SNX29: variants seen among roughly 807,000 people sequenced by gnomAD.
SNX29 encodes the protein sorting nexin-29.
A neutral mutation model predicts 102.1 loss-of-function variants in SNX29; 78 were observed. That is an observed-to-expected ratio of 0.76 (90% CI 0.64 to 0.92). SNX29 has a LOEUF of 0.92. Among genes scored for constraint, SNX29 ranks in the 40% least tolerant of loss-of-function variants. The pLI is 0.00. For synonymous variants in SNX29, 580 were observed against 414.5 expected, an observed-to-expected ratio of 1.40 and a Z score of -4.85; for missense variants, 1,280 against 1,061.7, an observed-to-expected ratio of 1.21 and a Z score of -2.86.
In SNX29 at chr16:12,335,797, A is replaced by G. The variant is rs118094730; in HGVS notation, c.1783-20366A>G. 9.5e-3 allele frequency among the ~76,000 whole-genome samples: 1,441 copies of G among 152,322 alleles called. 9 individuals are homozygous for G. The highest frequency in any genetic ancestry group is 0.016 in the Non-Finnish European group (1,076 of 68,030). On this transcript the variant is annotated intron_variant, in intron 15 of 20. Coordinates refer to ENST00000566228, the MANE Select transcript of SNX29 (RefSeq NM_032167.5). ...AGATTATTTCAGTGAATTTTTCACA[A>G]TAACTCAGTGAACTGGGTACCATAG...
At position 12,568,126 on chromosome 16, in the gene SNX29, G is replaced by C. The variant is rs116043205; in HGVS notation, c.2319-380G>C. ...CGCATCTTGTGTGGCTTTATGTAGTGTTCTCCAAAGTTGCCTTGGACTTAG... is the reference window on the plus strand; with the variant it reads ...CGCATCTTGTGTGGCTTTATGTAGTCTTCTCCAAAGTTGCCTTGGACTTAG... On this transcript the variant is annotated intron_variant, in intron 20 of 20. Coordinates refer to ENST00000566228, the MANE Select transcript of SNX29 (RefSeq NM_032167.5). 1.9e-3 allele frequency among the ~76,000 whole-genome samples: 293 copies of C among 152,210 alleles called. 1 individual carries two copies. The highest frequency in any genetic ancestry group is 6.8e-3 in the African/African-American group (283 of 41,532).
At chr16:12,460,865 G>C (rs1278910953) in intron 18 of SNX29, among the ~76,000 whole-genome samples, 1 of 152,082 alleles carries the variant, frequency 6.6e-6, no homozygotes, top group Non-Finnish European at 1.5e-5. Context: ...CGCCATGTTG[G>C]CCAGGCTGGT....
chr16:12,307,620 A>T (rs188892382), intron 15 of SNX29, among the ~76,000 whole-genome samples: 2 of 152,234 alleles, frequency 1.3e-5, no homozygotes, highest in South Asian at 4.1e-4. Flanking sequence ...AGAAGTTGTC[A>T]GCAGTAGAAT....
intron 13 of SNX29, among the ~76,000 whole-genome samples, chr16:12,161,210 C>A (rs2055770586): frequency 2.6e-5 from 4 of 152,182 alleles, no homozygotes; most frequent in African/African-American, 4.8e-5. Flanking sequence ...CCTTTCTGAC[C>A]TTTGGATAGA....
rs112198675 is a variant in SNX29 at position 12,106,478 on chromosome 16, G to C, written c.1403-20155G>C. ...CTCGGCCCCCTCCTTTTCTGCTGCT[G>C]CTTGTTTTTCTTTTTCAGACAGGGC... On this transcript the variant is annotated intron_variant, in intron 11 of 20. Transcript: ENST00000566228. Among the ~76,000 whole-genome samples, 571 of 151,968 alleles carry C rather than the reference G, an allele frequency of 3.8e-3. 8 individuals are homozygous for C. Among genetic ancestry groups the C allele is most frequent in the African/African-American group, 0.013 (539 of 41,438 alleles).
chr16:12,463,816 G>T (rs2086921197), intron 18 of SNX29, among the ~76,000 whole-genome samples: 1 of 139,296 alleles, frequency 7.2e-6, no homozygotes, highest in African/African-American at 2.9e-5. Flanking sequence ...CTCCCGAAGT[G>T]AGTGTGTGTG....
At chr16:12,350,190 C>T (rs370058595) in intron 15 of SNX29, among the ~76,000 whole-genome samples, 84 of 152,264 alleles carry the variant, frequency 5.5e-4, no homozygotes, top group African/African-American at 1.7e-3. Context: ...ACAGTTGGCC[C>T]TCTGTATCTG....
chr16:12,290,192 G>T (rs1011968600), intron 15 of SNX29, among the ~76,000 whole-genome samples: 7 of 152,154 alleles, frequency 4.6e-5, no homozygotes, highest in Non-Finnish European at 5.9e-5. Context: ...ACATGTTAAA[G>T]TAAGCCTTTT....
rs188273880 is a variant in SNX29, at chr16:12,316,371, C to T, written c.1782+38335C>T. 9.9e-4 allele frequency among the ~76,000 whole-genome samples: 150 copies of T among 152,184 alleles called. 1 individual carries two copies. The highest frequency in any genetic ancestry group is 3.4e-3 in the African/African-American group (140 of 41,524). On this transcript the variant is annotated intron_variant, in intron 15 of 20. Coordinates refer to ENST00000566228, the MANE Select transcript of SNX29 (RefSeq NM_032167.5). ...CATCCTGGCCAACATGGGGAAACCCCGTCTCTATTAAAAATACAAAAATTA... is the reference window on the plus strand; with the variant it reads ...CATCCTGGCCAACATGGGGAAACCCTGTCTCTATTAAAAATACAAAAATTA...
At chr16:12,566,577 A>C (rs942118810) in intron 20 of SNX29, among the ~76,000 whole-genome samples, 1 of 152,212 alleles carries the variant, frequency 6.6e-6, no homozygotes, top group Non-Finnish European at 1.5e-5. Flanking sequence ...ACTGACTTTT[A>C]CATCCAAGCC....
intron 7 of SNX29, among the ~76,000 whole-genome samples, chr16:12,048,989 C>T (rs2050198799): frequency 6.6e-6 from 1 of 152,162 alleles, no homozygotes; most frequent in Non-Finnish European, 1.5e-5. Context: ...AGCAGGTAGC[C>T]TGCAGTCTCC....
intron 16 of SNX29, among the ~76,000 whole-genome samples, chr16:12,384,629 G>A (rs1347174475): frequency 6.6e-6 from 1 of 152,298 alleles, no homozygotes; most frequent in Non-Finnish European, 1.5e-5. Flanking sequence ...TTCCTTGCCA[G>A]ATGTGTAGTT....
chr16:12,383,666 C>T (rs1488668919), intron 16 of SNX29, among the ~76,000 whole-genome samples: 1 of 151,768 alleles, frequency 6.6e-6, no homozygotes. Flanking sequence ...GAATTCCTGA[C>T]CTTAGGTGAT....
chr16:11,985,571 G>A (rs2055585530), intron 1 of SNX29, among the ~76,000 whole-genome samples: 1 of 152,186 alleles, frequency 6.6e-6, no homozygotes, highest in Non-Finnish European at 1.5e-5. Context: ...GCTCCTCCAT[G>A]GAGCGGGCTG....
intron 15 of SNX29, among the ~76,000 whole-genome samples, chr16:12,297,884 T>A (rs760628486): frequency 2.0e-5 from 3 of 152,120 alleles, no homozygotes; most frequent in Non-Finnish European, 4.4e-5. Flanking sequence ...TAATAGCACT[T>A]ATGGGCCAGG....
At chr16:12,560,697 G>A (rs963747813) in intron 20 of SNX29, 3 of 161,290 alleles carry the variant, frequency 1.9e-5, no homozygotes, top group East Asian at 2.8e-4. Context: ...TCTAGTCATC[G>A]ACTCTGGGCT....
At position 12,477,820 on chromosome 16, in the gene SNX29, G is replaced by A. The variant is rs2087726523; in HGVS notation, c.2139G>A (p.Arg713=). The change falls in exon 19 of 21, where the codon AGG becomes AGA. Residue 713 remains arginine, a synonymous_variant. Transcript: ENST00000566228. ...HKLQNKYPQV[R]AYNFPPKKAI... Reference sequence around the variant, plus strand: ...TACAAAACAAGTACCCTCAAGTGAGGGCCTACAACTTCCCACCCAAAAAGG... The same window carrying A: ...TACAAAACAAGTACCCTCAAGTGAGAGCCTACAACTTCCCACCCAAAAAGG... 1.2e-6 allele frequency: 2 copies of A among 1,611,652 alleles called. No individual in the cohort carries two copies. The highest frequency in any genetic ancestry group is 2.2e-5 in the East Asian group (1 of 44,826).
Position 12,524,764 on chromosome 16 carries a change from CAA to C in SNX29, c.2243_2244del (p.Lys748SerfsTer64). The C allele has an allele frequency of 1.2e-6, 2 of 1,613,796 alleles. No individual in the cohort carries two copies. Among genetic ancestry groups the C allele is most frequent in the Non-Finnish European group, 1.7e-6 (2 of 1,179,858 alleles). On this transcript the variant is annotated frameshift_variant, in exon 20 of 21. Transcript: ENST00000566228. LOFTEE classifies it high-confidence loss of function. ...AGAATTACCTGCGCAGCGTCATGAA[CAA>C]AGTCATCCAGATGGTCCCCGAGTTC... ...LQNYLRSVMNKVIQMVPEFAA... is the reference protein window; with the variant it reads ...LQNYLRSVMNXVIQMVPEFAA...
intron 4 of SNX29, among the ~76,000 whole-genome samples, chr16:12,034,556 A>G (rs1057064701): frequency 2.6e-5 from 4 of 152,206 alleles, no homozygotes; most frequent in African/African-American, 9.6e-5. Context: ...GGGCATGTCC[A>G]CAGGGTCCCT....
Sources: allele counts gnomAD v4.1 joint callset (sites outside exome capture counted in the v4.1 genomes callset), GRCh38; gene constraint gnomAD v4.1.1; transcripts MANE v1.5; gene names NCBI Gene and HGNC (gene_info 2026-07-23, HGNC 2026-07-21).